The following USH2A variants were observed in gnomAD, a reference collection of about 807,000 sequenced individuals.
The protein encoded by USH2A is usherin.
USH2A carries 443 observed loss-of-function variants against 538.9 expected under a neutral mutation model. That is an observed-to-expected ratio of 0.82 (90% CI 0.76 to 0.89). The LOEUF is 0.89. Ranked by LOEUF, USH2A falls within the 40% of genes least tolerant of loss-of-function variation. The pLI, the probability that USH2A is intolerant of heterozygous loss-of-function variation, is 0.00. For synonymous variants in USH2A, 2,413 were observed against 2,273.5 expected (o/e 1.06, Z -1.75); for missense variants, 6,633 against 6,324.8 (o/e 1.05, Z -1.65).
intron 49 of USH2A, among the ~76,000 whole-genome samples, chr1:215,800,551 A>G (rs977076895): frequency 1.3e-5 from 2 of 152,202 alleles, no homozygotes; most frequent in African/African-American, 4.8e-5. Flanking sequence ...AGGGATTTAT[A>G]GTCCTGGACT....
At chr1:215,793,249 T>G (rs1260629856) in intron 50 of USH2A, among the ~76,000 whole-genome samples, 1 of 152,146 alleles carries the variant, frequency 6.6e-6, no homozygotes, top group Non-Finnish European at 1.5e-5. Context: ...GAATTATGTA[T>G]CATGCCTTTG....
At chr1:215,639,123 G>C in intron 69 of USH2A, 32 bp downstream of exon 69, 2 of 1,599,830 alleles carry the variant, frequency 1.3e-6, no homozygotes, top group East Asian at 2.2e-5. Context: ...AGATGAATAG[G>C]TGCTACGCCA....
At chr1:215,631,323 G>A (rs1242759569) in intron 70 of USH2A, among the ~76,000 whole-genome samples, 2 of 152,040 alleles carry the variant, frequency 1.3e-5, no homozygotes, top group Non-Finnish European at 2.9e-5. Flanking sequence ...CTGAGCAGGT[G>A]AATCTGGCTT....
At chr1:216,289,843 A>C (rs2036966725) in intron 10 of USH2A, among the ~76,000 whole-genome samples, 1 of 152,168 alleles carries the variant, frequency 6.6e-6, no homozygotes, top group Non-Finnish European at 1.5e-5. Context: ...GAACTCAATC[A>C]TGTAAAATGG....
At chr1:216,362,931 C>A (rs910830795) in intron 4 of USH2A, among the ~76,000 whole-genome samples, 2 of 149,444 alleles carry the variant, frequency 1.3e-5, no homozygotes, top group African/African-American at 5.0e-5. Context: ...AAGAGCGAAA[C>A]TCCCTGTCAA....
At chr1:216,301,351 T>A (rs772847516) in intron 9 of USH2A, among the ~76,000 whole-genome samples, 15 of 152,126 alleles carry the variant, frequency 9.9e-5, no homozygotes, top group Admixed American at 5.2e-4. Flanking sequence ...ATGATCACAA[T>A]GAGTCATCGA....
intron 21 of USH2A, among the ~76,000 whole-genome samples, chr1:216,156,945 C>T (rs1301428985): frequency 1.3e-5 from 2 of 151,410 alleles, no homozygotes; most frequent in African/African-American, 4.9e-5. Context: ...GCCATCTTGG[C>T]TCACTGCAAC....
intron 64 of USH2A, among the ~76,000 whole-genome samples, chr1:215,654,610 GT>G (rs1413342244): frequency 1.3e-5 from 2 of 152,044 alleles, no homozygotes; most frequent in Non-Finnish European, 2.9e-5. Context: ...TTTCTCTAAG[GT>G]TTCTGTTGTA....
At chr1:216,019,092 TC>T (rs1455833043) in intron 32 of USH2A, among the ~76,000 whole-genome samples, 1 of 152,230 alleles carries the variant, frequency 6.6e-6, no homozygotes, top group African/African-American at 2.4e-5. Context: ...CTTTATGCAG[TC>T]AAGTATGACA....
chr1:216,259,948 AC>A (rs1057051982), intron 11 of USH2A, among the ~76,000 whole-genome samples: 22 of 152,248 alleles, frequency 1.4e-4, no homozygotes, highest in Admixed American at 1.2e-3. Context: ...AATATTGGCA[AC>A]GTTCTTGACT....
chr1:215,733,561 A>C (rs1660068731), intron 60 of USH2A, among the ~76,000 whole-genome samples: 1 of 152,314 alleles, frequency 6.6e-6, no homozygotes, highest in Non-Finnish European at 1.5e-5. Context: ...CTAAAATCTC[A>C]TCTGGAGACT....
At chr1:216,210,211 C>T (rs2035209743) in intron 15 of USH2A, among the ~76,000 whole-genome samples, 1 of 151,644 alleles carries the variant, frequency 6.6e-6, no homozygotes, top group Non-Finnish European at 1.5e-5. Flanking sequence ...GTGTTGAAGG[C>T]CAAAAGAATG....
rs1212605298 is a variant in USH2A at position 215,660,857 on chromosome 1, CAAG to C, written c.14134-10059_14134-10057del. 3.3e-5 allele frequency among the ~76,000 whole-genome samples: 5 copies of C among 152,224 alleles called. No individual in the cohort carries two copies. The East Asian group carries it at 9.6e-4, about 29-fold the overall frequency. On this transcript the variant is annotated intron_variant, in intron 64 of 71. Transcript: ENST00000307340. ...CTCCATCAACAGATAAATCAATTAA[CAAG>C]AAGAAGTCTCAACTATGTTCTTACA...
rs149169976 is a variant in USH2A, at chr1:216,410,622, C to T, written c.651+7892G>A. 3.8e-3 allele frequency among the ~76,000 whole-genome samples: 581 copies of T among 152,050 alleles called. 5 individuals carry two copies. Among genetic ancestry groups the T allele is most frequent in the African/African-American group, 0.013 (547 of 41,504 alleles). On this transcript the variant is annotated intron_variant, in intron 3 of 71. Transcript: ENST00000307340. ...AGTTTCTCAATAATGCTAATAATTTCTATAGTTGAGAATTATTACCCTAAA... is the reference window on the plus strand; with the variant it reads ...AGTTTCTCAATAATGCTAATAATTTTTATAGTTGAGAATTATTACCCTAAA...
chr1:215,743,996 T>C (rs1373078665), intron 58 of USH2A, among the ~76,000 whole-genome samples: 1 of 152,154 alleles, frequency 6.6e-6, no homozygotes, highest in Non-Finnish European at 1.5e-5. Context: ...TATTGGCAAA[T>C]AAAAATGAAG....
At chr1:215,751,621 T>A (rs1287720286) in intron 58 of USH2A, among the ~76,000 whole-genome samples, 1 of 152,132 alleles carries the variant, frequency 6.6e-6, no homozygotes, top group East Asian at 1.9e-4. Context: ...CATTTGCTAT[T>A]TAATTTTCCA....
intron 21 of USH2A, among the ~76,000 whole-genome samples, chr1:216,137,286 T>C (rs186195904): frequency 1.4e-3 from 213 of 152,110 alleles, no homozygotes; most frequent in Admixed American, 2.0e-3. Flanking sequence ...TACCCAAAAC[T>C]GGGAATAAAA....
intron 37 of USH2A, among the ~76,000 whole-genome samples, chr1:215,938,093 A>G (rs947896498): frequency 7.9e-5 from 12 of 152,098 alleles, no homozygotes; most frequent in African/African-American, 2.9e-4. Flanking sequence ...TTACTCAGTA[A>G]TTATAAGAAG....
intron 37 of USH2A, among the ~76,000 whole-genome samples, chr1:215,945,818 G>C (rs1199625660): frequency 6.6e-6 from 1 of 152,116 alleles, no homozygotes; most frequent in African/African-American, 2.4e-5. Context: ...TATCGAGATT[G>C]ATTGTCTCAC....
Sources: gnomAD v4.1 joint callset for allele counts (sites outside exome capture counted in the v4.1 genomes callset) on GRCh38, gnomAD v4.1.1 for gene constraint, MANE v1.5 for transcripts, NCBI Gene and HGNC (gene_info 2026-07-23, HGNC 2026-07-21) for gene names.